ZNF254: variants seen among roughly 807,000 people sequenced by gnomAD.
The protein encoded by ZNF254 is CTD-2017D11.1.
In ZNF254, 10 loss-of-function variants were observed where a neutral mutation model predicts 12.4. That is an observed-to-expected ratio of 0.80 (90% CI 0.50 to 1.36). ZNF254 has a LOEUF of 1.36. Among genes scored for constraint, ZNF254 ranks in the 40% most tolerant of loss-of-function variants. ZNF254 has a pLI of 0.00. For missense variants in ZNF254, 996 were observed against 763.9 expected, an observed-to-expected ratio of 1.30 and a Z score of -3.58; for synonymous variants, 305 against 253.4, an observed-to-expected ratio of 1.20 and a Z score of -1.93.
upstream of ZNF254, among the ~76,000 whole-genome samples, chr19:24,085,544 G>T (rs1972007537): frequency 6.6e-6 from 1 of 151,258 alleles, no homozygotes; most frequent in Non-Finnish European, 1.5e-5. Context: ...GCCAAGGCAG[G>T]TGGATCATTT....
intron 2 of ZNF254, among the ~76,000 whole-genome samples, chr19:24,057,111 T>C (rs1828496328): frequency 6.6e-6 from 1 of 152,200 alleles, no homozygotes; most frequent in South Asian, 2.1e-4. Flanking sequence ...AATTACACTC[T>C]CTCACATATT....
rs1285754229 is a variant in ZNF254 at position 24,100,387 on chromosome 19, T to C, written c.31-5553T>C. On this transcript the variant is annotated intron_variant, in intron 1 of 3. Coordinates refer to ENST00000357002, the MANE Select transcript of ZNF254 (RefSeq NM_203282.4). The stretch of plus-strand genomic sequence containing the variant: ...AATTCTAAATCTAGGTCTTGAAATT[T>C]GAAAAAAAAAAAAAAAAAATCCAAA... 4.1e-5 allele frequency among the ~76,000 whole-genome samples: 6 copies of C among 145,126 alleles called. No individual in the cohort carries two copies. The South Asian group carries it at 1.1e-3, about 26-fold the overall frequency.
rs1343317493 is a variant in ZNF254, at chr19:24,127,837, T to G, written c.1837T>G (p.Trp613Gly). The G allele has an allele frequency of 1.2e-6, 2 of 1,613,222 alleles. No individual in the cohort carries two copies. Among genetic ancestry groups the G allele is most frequent in the Admixed American group, 1.7e-5 (1 of 59,912 alleles). The change falls in exon 4 of 4, where the codon TGG becomes GGG. Residue 613 changes from tryptophan (W) to glycine (G), a missense_variant. Physicochemically the swap from Trp to Gly is radical, Grantham distance 184. Coordinates refer to ENST00000357002, the MANE Select transcript of ZNF254 (RefSeq NM_203282.4). ...KCEECGKAFF[W>G]SSTLTKHKRI... ...TGAAGAATGTGGCAAAGCATTTTTC[T>G]GGTCCTCAACCCTAACTAAACATAA...
intron 3 of ZNF254, among the ~76,000 whole-genome samples, chr19:24,117,114 G>A (rs970713947): frequency 1.3e-5 from 2 of 152,172 alleles, no homozygotes; most frequent in African/African-American, 4.8e-5. Context: ...AGTGGGGGGT[G>A]CCTCCCAGTT....
rs79241679 is a variant in ZNF254, at chr19:24,113,060, G to A, written c.253+6417G>A. 3.3e-5 allele frequency among the ~76,000 whole-genome samples: 5 copies of A among 152,314 alleles called. No individual in the cohort carries two copies. The East Asian group carries it at 9.6e-4, about 29-fold the overall frequency. ...ATCAAGAGCTTACCAATGAAAAAGA[G>A]TCCTGGATCAGATGGATTCACAGCC... On this transcript the variant is annotated intron_variant, in intron 3 of 3. Transcript: ENST00000357002.
intron 1 of ZNF254, among the ~76,000 whole-genome samples, chr19:24,035,154 G>T (rs1424829454): frequency 6.6e-6 from 1 of 151,988 alleles, no homozygotes; most frequent in Non-Finnish European, 1.5e-5. Context: ...AAGTCAGCCT[G>T]GTTTTTTTGT....
intron 3 of ZNF254, among the ~76,000 whole-genome samples, chr19:24,113,465 C>T (rs1973831952): frequency 6.6e-6 from 1 of 152,092 alleles, no homozygotes; most frequent in Admixed American, 6.6e-5. Flanking sequence ...GCAGAAAAGG[C>T]CTTTGACAAA....
chr19:24,062,289 C>T (rs1347471311), intron 2 of ZNF254, among the ~76,000 whole-genome samples: 1 of 152,090 alleles, frequency 6.6e-6, no homozygotes, highest in Non-Finnish European at 1.5e-5. Context: ...GGATTGTCAT[C>T]CTCACACATG....
chr19:24,068,431 G>A (rs1229780960), intron 2 of ZNF254, among the ~76,000 whole-genome samples: 1 of 152,058 alleles, frequency 6.6e-6, no homozygotes, highest in Non-Finnish European at 1.5e-5. Context: ...CTCCCAAGTA[G>A]CTGGGATTAC....
intron 1 of ZNF254, among the ~76,000 whole-genome samples, chr19:24,034,942 C>T (rs950837512): frequency 1.3e-5 from 2 of 150,852 alleles, no homozygotes; most frequent in African/African-American, 2.4e-5. Flanking sequence ...TGCCGTCATG[C>T]GCAGCATGAA....
chr19:24,091,041 C>T (rs1972349130), intron 1 of ZNF254, among the ~76,000 whole-genome samples: 4 of 150,046 alleles, frequency 2.7e-5, no homozygotes, highest in South Asian at 2.1e-4. Flanking sequence ...TTCTGCCTCC[C>T]GGGTTCGAGC....
In ZNF254 at chr19:24,059,855, G is replaced by A. The variant is rs375770283; in HGVS notation, c.-94+13576G>A. On this transcript the variant is annotated intron_variant, in intron 2 of 4. Transcript: ENST00000613065. ...GCATGGCATATTATGAATATTGGAC[G>A]TATCTCTGGGACTGACACCTAGGGG... Among the ~76,000 whole-genome samples the A allele has an allele frequency of 3.3e-5, 5 of 152,022 alleles. 1 individual carries two copies. The highest frequency in any genetic ancestry group is 4.2e-4 in the South Asian group (2 of 4,818).
intron 2 of ZNF254, among the ~76,000 whole-genome samples, chr19:24,047,108 A>T (rs1281364599): frequency 6.6e-6 from 1 of 151,758 alleles, no homozygotes; most frequent in Non-Finnish European, 1.5e-5. Context: ...ACCTCAAGTG[A>T]TCCTCATGCC....
At chr19:24,100,743 C>T (rs1972971981) in intron 1 of ZNF254, among the ~76,000 whole-genome samples, 2 of 151,368 alleles carry the variant, frequency 1.3e-5, no homozygotes, top group Admixed American at 1.3e-4. Flanking sequence ...GTGCAAATTC[C>T]AGGCATCTTG....
intron 1 of ZNF254, among the ~76,000 whole-genome samples, chr19:24,036,896 A>G (rs1049114952): frequency 2.6e-5 from 4 of 152,180 alleles, no homozygotes; most frequent in Non-Finnish European, 5.9e-5. Context: ...TTCACAAAAC[A>G]AGAAGACTTG....
intron 2 of ZNF254, among the ~76,000 whole-genome samples, chr19:24,078,319 A>G (rs935895676): frequency 3.3e-5 from 5 of 152,146 alleles, no homozygotes; most frequent in South Asian, 2.1e-4. Context: ...ATTAGGGGCA[A>G]TTCTTTAAAG....
At chr19:24,085,978 G>T (rs570867756), upstream of ZNF254, among the ~76,000 whole-genome samples, 1 of 151,860 alleles carries the variant, frequency 6.6e-6, no homozygotes, top group Non-Finnish European at 1.5e-5. Context: ...AGGCTGAGGC[G>T]GGTGGATTAC....
At chr19:24,097,782 A>AAAAAT (rs141594384) in intron 1 of ZNF254, among the ~76,000 whole-genome samples, 5,003 of 144,098 alleles carry the variant, frequency 0.035, 99 homozygotes, top group East Asian at 0.043. Flanking sequence ...ACTCTATCTC[A>AAAAAT]AAAATAAAAT....
intron 2 of ZNF254, among the ~76,000 whole-genome samples, chr19:24,051,032 C>G (rs1970627585): frequency 6.6e-6 from 1 of 152,048 alleles, no homozygotes; most frequent in African/African-American, 2.4e-5. Context: ...TGCCAGGGCC[C>G]TGCCGACTGG....
Sources: gnomAD v4.1 joint callset for allele counts (sites outside exome capture counted in the v4.1 genomes callset) on GRCh38, gnomAD v4.1.1 for gene constraint, MANE v1.5 for transcripts, NCBI Gene and HGNC (gene_info 2026-07-23, HGNC 2026-07-21) for gene names.